Variants in NXPE2 observed in about 807,000 individuals in gnomAD.
NXPE2 encodes the protein neurexophilin and PC-esterase domain family member 2, also known as NXPE family member 2.
A neutral mutation model predicts 34.4 loss-of-function variants in NXPE2; 34 were observed. The observed-to-expected ratio is 0.99, with a 90% CI of 0.75 to 1.31. The LOEUF is 1.31. NXPE2 is among the 40% of genes most tolerant of loss of function. The probability of loss-of-function intolerance (pLI) is 0.00; values close to 1 mark genes in which losing one functional copy is unlikely to be tolerated. For synonymous variants in NXPE2, 235 were observed against 231.3 expected (o/e 1.02, Z -0.15); for missense variants, 649 against 672.5 (o/e 0.97, Z 0.39).
At chr11:114,595,684 A>G in the NXPE2 span, 10 of 152,314 alleles carry the variant, frequency 6.6e-5, no homozygotes, top group Admixed American at 6.5e-4. Flanking sequence ...TGCTACTGGC[A>G]TACCTCTTGT....
At chr11:114,488,485 G>T in the NXPE2 span, among the ~76,000 whole-genome samples, 1 of 152,084 alleles carries the variant, frequency 6.6e-6, no homozygotes, top group East Asian at 1.9e-4. Context: ...AAATGTAAAA[G>T]AACAGAAATT....
the NXPE2 span, among the ~76,000 whole-genome samples, chr11:114,537,161 C>T: frequency 1.1e-4 from 17 of 152,096 alleles, no homozygotes; most frequent in Admixed American, 3.3e-4. Context: ...AGCATATAAA[C>T]AGAACCAAAG....
At chr11:114,597,936 T>G in the NXPE2 span, among the ~76,000 whole-genome samples, 4 of 152,050 alleles carry the variant, frequency 2.6e-5, no homozygotes, top group Non-Finnish European at 5.9e-5. Flanking sequence ...TCCCTCAAAG[T>G]CTTAGTGAAT....
upstream of NXPE2, among the ~76,000 whole-genome samples, chr11:114,675,296 A>G (rs1950845532): frequency 6.6e-6 from 1 of 151,802 alleles, no homozygotes; most frequent in Admixed American, 6.6e-5. Flanking sequence ...ATAGTACTGG[A>G]AGTCCTAGCC....
At chr11:114,639,865 T>TTTATATTAAATATAAAATATGTTATATA in the NXPE2 span, among the ~76,000 whole-genome samples, 7 of 52,668 alleles carry the variant, frequency 1.3e-4, no homozygotes, top group South Asian at 4.8e-3. Context: ...TATATTATAT[T>TTTATATTAAATATAAAATATGTTATATA]TTATATTAAA....
the NXPE2 span, among the ~76,000 whole-genome samples, chr11:114,577,551 A>G: frequency 6.6e-6 from 1 of 152,176 alleles, no homozygotes; most frequent in Non-Finnish European, 1.5e-5. Flanking sequence ...CTATTGAAAT[A>G]AAAAACTTAA....
chr11:114,594,867 A>G, the NXPE2 span: 1 of 651,692 alleles, frequency 1.5e-6, no homozygotes, highest in Non-Finnish European at 2.7e-6. Flanking sequence ...GCTCATGATT[A>G]CTTTTTAGCC....
At chr11:114,538,873 T>C in the NXPE2 span, among the ~76,000 whole-genome samples, 1 of 152,186 alleles carries the variant, frequency 6.6e-6, no homozygotes, top group Non-Finnish European at 1.5e-5. Flanking sequence ...GAAGTCAGTG[T>C]GGTGATTCCT....
the NXPE2 span, chr11:114,571,615 T>C: frequency 1.3e-6 from 1 of 792,750 alleles, no homozygotes; most frequent in Non-Finnish European, 1.9e-6. Context: ...TGAGGGGATG[T>C]TTTTGAAAAT....
At chr11:114,582,499 G>A in the NXPE2 span, 1 of 1,614,042 alleles carries the variant, frequency 6.2e-7, no homozygotes, top group African/African-American at 1.3e-5. Flanking sequence ...TTGACAAACT[G>A]GCCAGTGAAG....
chr11:114,653,780 G>A, the NXPE2 span, among the ~76,000 whole-genome samples: 6 of 151,808 alleles, frequency 4.0e-5, no homozygotes, highest in Admixed American at 6.6e-5. Context: ...TGCCCATCTC[G>A]GCCTCCCAAA....
the NXPE2 span, among the ~76,000 whole-genome samples, chr11:114,500,454 TAA>T: frequency 2.6e-5 from 4 of 151,968 alleles, no homozygotes; most frequent in Admixed American, 6.6e-5. Flanking sequence ...GACAACCCAT[TAA>T]AAAAATGGGT....
At chr11:114,629,147 A>C in the NXPE2 span, among the ~76,000 whole-genome samples, 1 of 152,148 alleles carries the variant, frequency 6.6e-6, no homozygotes, top group Non-Finnish European at 1.5e-5. Flanking sequence ...ATAGAAAAAG[A>C]GGGAACCCTC....
downstream of NXPE2, among the ~76,000 whole-genome samples, chr11:114,711,805 G>C (rs1475339256): frequency 2.0e-5 from 3 of 152,058 alleles, no homozygotes; most frequent in African/African-American, 7.2e-5. Context: ...AATATTGAAA[G>C]AGAAGAACAA....
the NXPE2 span, among the ~76,000 whole-genome samples, chr11:114,506,112 T>TAAAAAAAAAAAAAAAAAA: frequency 7.4e-6 from 1 of 134,432 alleles, no homozygotes. Context: ...CAAGAAATAT[T>TAAAAAAAAAAAAAAAAAA]AAAAAAAAAA....
chr11:114,805,575 G>A, the NXPE2 span, among the ~76,000 whole-genome samples: 1 of 152,240 alleles, frequency 6.6e-6, no homozygotes. Context: ...CTACGCCCAC[G>A]GCGTCTCGCT....
the NXPE2 span, among the ~76,000 whole-genome samples, chr11:114,770,546 C>T: frequency 4.6e-5 from 7 of 152,314 alleles, no homozygotes; most frequent in East Asian, 1.9e-4. Context: ...GGCAGAAAGC[C>T]GCATAAATAG....
the NXPE2 span, among the ~76,000 whole-genome samples, chr11:114,602,673 A>G: frequency 7.0e-6 from 1 of 142,024 alleles, no homozygotes; most frequent in African/African-American, 2.5e-5. Flanking sequence ...TAATTACAGA[A>G]TCATATGTAA....
chr11:114,616,031 C>T, the NXPE2 span, among the ~76,000 whole-genome samples: 8 of 151,692 alleles, frequency 5.3e-5, no homozygotes, highest in African/African-American at 1.9e-4. Context: ...TCGTGGGTAA[C>T]CACTCTTACC....
Sources: allele counts gnomAD v4.1 joint callset (sites outside exome capture counted in the v4.1 genomes callset), GRCh38; gene constraint gnomAD v4.1.1; transcripts MANE v1.5; gene names NCBI Gene and HGNC (gene_info 2026-07-23, HGNC 2026-07-21).